The following RABL3 variants were observed in gnomAD, a reference collection of about 807,000 sequenced individuals.
RABL3 encodes rab-like protein 3.
In RABL3, 31 loss-of-function variants were observed where a neutral mutation model predicts 31.8. The ratio of observed to expected loss-of-function variants is 0.97; its 90% confidence interval spans 0.73 to 1.31. RABL3 has a LOEUF of 1.31. Ranked by LOEUF, RABL3 falls within the 40% of genes most tolerant of loss-of-function variation. RABL3 has a pLI of 0.00. For synonymous variants in RABL3, 97 were observed against 99.9 expected, an observed-to-expected ratio of 0.97 and a Z score of 0.18; for missense variants, 263 against 279.6, an observed-to-expected ratio of 0.94 and a Z score of 0.42.
chr3:120,711,398 C>CTAT (rs1238528046), intron 2 of RABL3, among the ~76,000 whole-genome samples: 5 of 152,134 alleles, frequency 3.3e-5, no homozygotes, highest in Admixed American at 3.3e-4. Flanking sequence ...CCTATCTCCA[C>CTAT]TATTACCACC....
Position 120,685,103 on chromosome 3 carries a change from C to T in RABL3, c.*4720G>A, listed in dbSNP as rs889235036. On this transcript the variant is annotated 3_prime_UTR_variant, in exon 8 of 8. Transcript: ENST00000273375. Reference sequence around the variant, plus strand: ...GGGCACGTAGCCCAGACGAGCAGAGCCAGGGAGGGCTTCCCAGAGAAGACT... The same window carrying T: ...GGGCACGTAGCCCAGACGAGCAGAGTCAGGGAGGGCTTCCCAGAGAAGACT... Among the ~76,000 whole-genome samples the T allele has an allele frequency of 1.3e-5, 2 of 152,152 alleles. No homozygotes were observed. The highest frequency in any genetic ancestry group is 2.9e-5 in the Non-Finnish European group (2 of 68,028).
intron 2 of RABL3, among the ~76,000 whole-genome samples, chr3:120,718,854 G>A (rs1708702144): frequency 1.3e-5 from 2 of 152,192 alleles, no homozygotes; most frequent in Non-Finnish European, 2.9e-5. Context: ...GAGGTACAAT[G>A]TATTACCAGA....
At position 120,698,661 on chromosome 3, in the gene RABL3, T is replaced by G; in HGVS notation, c.384-88A>C. On this transcript the variant is annotated intron_variant, in intron 4 of 7. Coordinates refer to ENST00000273375, the MANE Select transcript of RABL3 (RefSeq NM_173825.5). The stretch of plus-strand genomic sequence containing the variant: ...TTAAGTGCAACTAAGTTACACTATT[T>G]TACTGAAAATTAACTGATTTTTGCT... 1.4e-5 allele frequency: 16 copies of G among 1,110,854 alleles called. No individual in the cohort carries two copies. In the South Asian group the frequency reaches 2.9e-4, roughly 20 times the overall value. The allele number at this position is 1,110,854 out of a possible 1,614,324, so 68.8% of individuals were successfully genotyped here.
intron 2 of RABL3, among the ~76,000 whole-genome samples, chr3:120,724,294 A>G (rs1708788672): frequency 6.6e-6 from 1 of 152,248 alleles, no homozygotes; most frequent in South Asian, 2.1e-4. Context: ...TCAACGAAGT[A>G]AAAGAGGACA....
At chr3:120,711,231 T>C (rs562187217) in intron 2 of RABL3, among the ~76,000 whole-genome samples, 69 of 152,190 alleles carry the variant, frequency 4.5e-4, no homozygotes, top group Non-Finnish European at 9.0e-4. Flanking sequence ...CTCATTCTTG[T>C]GGCAATTTCA....
At chr3:120,719,915 CCTAA>C (rs904355062) in intron 2 of RABL3, among the ~76,000 whole-genome samples, 7 of 152,228 alleles carry the variant, frequency 4.6e-5, no homozygotes, top group African/African-American at 1.7e-4. Context: ...CCCCGAGTAG[CCTAA>C]CTGAGAGACA....
At chr3:120,724,604 T>C (rs1264445375) in intron 2 of RABL3, among the ~76,000 whole-genome samples, 1 of 152,060 alleles carries the variant, frequency 6.6e-6, no homozygotes, top group Non-Finnish European at 1.5e-5. Context: ...AAAACAGACA[T>C]ATAGGCCAAT....
intron 6 of RABL3, among the ~76,000 whole-genome samples, chr3:120,692,434 G>A (rs148594057): frequency 6.6e-6 from 1 of 152,258 alleles, no homozygotes; most frequent in African/African-American, 2.4e-5. Context: ...TCCTGACCTC[G>A]TCATCTGCCC....
intron 2 of RABL3, among the ~76,000 whole-genome samples, chr3:120,727,480 A>C (rs182780577): frequency 8.3e-4 from 127 of 152,284 alleles, no homozygotes; most frequent in Admixed American, 3.1e-3. Flanking sequence ...AGAAAAACTT[A>C]GGTCCAGATG....
chr3:120,719,599 T>C (rs376375006), intron 2 of RABL3, among the ~76,000 whole-genome samples: 10 of 152,196 alleles, frequency 6.6e-5, no homozygotes, highest in East Asian at 1.9e-4. Context: ...GCCTCGCTCA[T>C]TGCTAGCACA....
chr3:120,732,046 G>A (rs927296629), intron 1 of RABL3, among the ~76,000 whole-genome samples: 1 of 152,012 alleles, frequency 6.6e-6, no homozygotes, highest in African/African-American at 2.4e-5. Flanking sequence ...GTGACAGAGC[G>A]AGACACTGTC....
intron 4 of RABL3, among the ~76,000 whole-genome samples, chr3:120,703,418 T>G (rs917039564): frequency 1.3e-5 from 2 of 152,086 alleles, no homozygotes; most frequent in African/African-American, 4.8e-5. Flanking sequence ...ATTTAAACAT[T>G]TGCAGGATGC....
chr3:120,693,099 A>AC lies in RABL3; in HGVS notation c.606+1053dup, dbSNP rs575701595. ...AATGGAAGCGGTTGCCAATCACCCA[A>AC]CCCCCCCACCCTGAGGACCCTGGCT... On this transcript the variant is annotated intron_variant, in intron 6 of 7. Transcript: ENST00000273375. Among the ~76,000 whole-genome samples, 623 of 150,150 alleles carry AC rather than the reference A, an allele frequency of 4.1e-3. 5 individuals carry two copies. The highest frequency in any genetic ancestry group is 0.014 in the African/African-American group (589 of 41,032).
Position 120,698,573 on chromosome 3 carries a change from C to G in RABL3, c.384G>C (p.Gly128=). ...LVPTGVLVTN[G]DYDQEQFADN... ...CAGCAAACTGTTCTTGATCATAATC[C>G]CTGTGATAAATAATAATGAAGAGGT... The change falls in exon 5 of 8, where the codon GGG becomes GGC. Residue 128 remains glycine, a splice_region_variant and synonymous_variant. Coordinates refer to ENST00000273375, the MANE Select transcript of RABL3 (RefSeq NM_173825.5). 6 of 1,605,768 alleles carry G rather than the reference C, an allele frequency of 3.7e-6. No homozygotes were observed. The highest frequency in any genetic ancestry group is 5.1e-6 in the Non-Finnish European group (6 of 1,174,918).
In RABL3 at chr3:120,685,747, T is replaced by C. The variant is rs138188427; in HGVS notation, c.*4076A>G. Among the ~76,000 whole-genome samples, 62 of 152,340 alleles carry C rather than the reference T, an allele frequency of 4.1e-4. No individual in the cohort carries two copies. Among genetic ancestry groups the C allele is most frequent in the African/African-American group, 1.3e-3 (55 of 41,578 alleles). ...CATAAAGTACAGAGTTCACAATCTA[T>C]ATTCCCTACTTTTTGATGAGTTTAT... On this transcript the variant is annotated 3_prime_UTR_variant, in exon 8 of 8. Coordinates refer to ENST00000273375, the MANE Select transcript of RABL3 (RefSeq NM_173825.5).
Position 120,710,980 on chromosome 3 carries a change from C to G in RABL3, c.139-1071G>C, listed in dbSNP as rs144373605. ...ATTCCTTGTCAAGGTCACCAATGAC[C>G]TCCACATTGTTAACTCCAATGGTCA... On this transcript the variant is annotated intron_variant, in intron 2 of 7. Coordinates refer to ENST00000273375, the MANE Select transcript of RABL3 (RefSeq NM_173825.5). 7.6e-3 allele frequency among the ~76,000 whole-genome samples: 1,163 copies of G among 152,212 alleles called. 16 individuals are homozygous for G. Among genetic ancestry groups the G allele is most frequent in the African/African-American group, 0.027 (1,103 of 41,540 alleles).
At chr3:120,741,938 A>T (rs1709048544) in intron 1 of RABL3, among the ~76,000 whole-genome samples, 1 of 152,186 alleles carries the variant, frequency 6.6e-6, no homozygotes, top group South Asian at 2.1e-4. Flanking sequence ...TGTCATTTAC[A>T]TCTCTCTGCC....
intron 4 of RABL3, 104 bp from the exon 5 acceptor site, chr3:120,698,677 G>T: frequency 1.0e-6 from 1 of 975,082 alleles, no homozygotes; most frequent in Non-Finnish European, 1.5e-6. Context: ...AAAATTAACT[G>T]ATTTTTGCTG....
chr3:120,708,525 C>A (rs1160897897), intron 3 of RABL3, among the ~76,000 whole-genome samples: 1 of 151,870 alleles, frequency 6.6e-6, no homozygotes, highest in Non-Finnish European at 1.5e-5. Flanking sequence ...TTCTCTGTGC[C>A]AGATCAGATA....
Sources: allele counts gnomAD v4.1 joint callset (sites outside exome capture counted in the v4.1 genomes callset), GRCh38; gene constraint gnomAD v4.1.1; transcripts MANE v1.5; gene names NCBI Gene and HGNC (gene_info 2026-07-23, HGNC 2026-07-21).